The following HMGCLL1 variants were observed in gnomAD, a reference collection of about 807,000 sequenced individuals.
HMGCLL1 encodes the protein 3-hydroxy-3-methylglutaryl-CoA lyase like 1, also known as 3-hydroxymethyl-3-methylglutaryl-CoA lyase, cytoplasmic.
In HMGCLL1, 36 loss-of-function variants were observed where a neutral mutation model predicts 39.1. The ratio of observed to expected loss-of-function variants is 0.92; its 90% confidence interval spans 0.71 to 1.22. HMGCLL1 has a LOEUF of 1.22. Among genes scored for constraint, HMGCLL1 ranks in the 50% most tolerant of loss-of-function variants. HMGCLL1 has a pLI of 0.00. For missense variants in HMGCLL1, 451 were observed against 416.5 expected (o/e 1.08, Z -0.72); for synonymous variants, 149 against 144.0 (o/e 1.03, Z -0.25).
intron 1 of HMGCLL1, among the ~76,000 whole-genome samples, chr6:55,572,715 C>T (rs1771575153): frequency 6.6e-6 from 1 of 152,090 alleles, no homozygotes; most frequent in African/African-American, 2.4e-5. Flanking sequence ...ACAATTTAAA[C>T]TAAATTGCAC....
intron 7 of HMGCLL1, among the ~76,000 whole-genome samples, chr6:55,483,609 T>A (rs1017254436): frequency 6.6e-6 from 1 of 152,158 alleles, no homozygotes; most frequent in African/African-American, 2.4e-5. Flanking sequence ...ATGTCAGATT[T>A]AAAATGTAAT....
At chr6:55,448,083 G>A (rs934425319) in intron 7 of HMGCLL1, among the ~76,000 whole-genome samples, 9 of 152,126 alleles carry the variant, frequency 5.9e-5, no homozygotes, top group African/African-American at 2.2e-4. Flanking sequence ...ACTTCAGAAA[G>A]TAAATATTTG....
intron 3 of HMGCLL1, among the ~76,000 whole-genome samples, chr6:55,519,386 C>A (rs1357005383): frequency 6.6e-6 from 1 of 152,112 alleles, no homozygotes; most frequent in Non-Finnish European, 1.5e-5. Context: ...GAGCACTTTA[C>A]TCAAAATTGT....
chr6:55,673,047 C>G, the HMGCLL1 span, among the ~76,000 whole-genome samples: 1 of 151,924 alleles, frequency 6.6e-6, no homozygotes, highest in South Asian at 2.1e-4. Flanking sequence ...AAAGAAGTCC[C>G]TTAGCAGAGG....
chr6:55,590,533 A>G, the HMGCLL1 span, among the ~76,000 whole-genome samples: 1 of 152,246 alleles, frequency 6.6e-6, no homozygotes, highest in African/African-American at 2.4e-5. Context: ...ATGGCAACAA[A>G]AGCCAAAATT....
intron 1 of HMGCLL1, among the ~76,000 whole-genome samples, chr6:55,553,370 G>A (rs1416540428): frequency 2.6e-5 from 4 of 151,744 alleles, no homozygotes; most frequent in South Asian, 4.2e-4. Context: ...CCCAGGAGGC[G>A]GAGGTTGTGG....
the HMGCLL1 span, among the ~76,000 whole-genome samples, chr6:55,646,862 T>A: frequency 9.9e-5 from 15 of 152,006 alleles, no homozygotes; most frequent in Non-Finnish European, 2.2e-4. Context: ...GTATTCTACA[T>A]CTATTGGATG....
intron 3 of HMGCLL1, among the ~76,000 whole-genome samples, chr6:55,539,695 G>A (rs184380116): frequency 3.3e-5 from 5 of 151,252 alleles, no homozygotes; most frequent in Admixed American, 6.6e-5. Context: ...ACACTGGAGC[G>A]TATGGAAGAG....
intron 1 of HMGCLL1, among the ~76,000 whole-genome samples, chr6:55,549,342 G>A (rs546023594): frequency 5.3e-4 from 79 of 150,204 alleles, no homozygotes; most frequent in African/African-American, 1.8e-3. Context: ...TGAAAACTAC[G>A]AAAATTGTTT....
At chr6:55,451,012 T>A (rs1764056434) in intron 7 of HMGCLL1, among the ~76,000 whole-genome samples, 1 of 152,094 alleles carries the variant, frequency 6.6e-6, no homozygotes, top group African/African-American at 2.4e-5. Flanking sequence ...CATTTCTAGC[T>A]CCCTAACACT....
In HMGCLL1 at chr6:55,578,389, A is replaced by G. The variant is rs78677115; in HGVS notation, c.108+559T>C. Among the ~76,000 whole-genome samples the G allele has an allele frequency of 3.8e-3, 573 of 152,322 alleles. 7 individuals are homozygous for G. Among genetic ancestry groups the G allele is most frequent in the Non-Finnish European group, 3.5e-3 (238 of 68,026 alleles). The stretch of plus-strand genomic sequence containing the variant: ...GTCTTAACATGCCCTTTCAGGAACA[A>G]TGTGGGAATAAATTTTAGTCTGAAA... On this transcript the variant is annotated intron_variant, in intron 1 of 8. Transcript: ENST00000274901.
At chr6:55,463,091 C>A (rs1241251255) in intron 7 of HMGCLL1, among the ~76,000 whole-genome samples, 1 of 149,214 alleles carries the variant, frequency 6.7e-6, no homozygotes, top group Non-Finnish European at 1.5e-5. Context: ...AGTGCAGTAG[C>A]GCAATCTCGG....
At chr6:55,665,230 C>T in the HMGCLL1 span, among the ~76,000 whole-genome samples, 1 of 151,502 alleles carries the variant, frequency 6.6e-6, no homozygotes, top group Non-Finnish European at 1.5e-5. Context: ...CAGGGGCAAA[C>T]TTTTTGTTGT....
chr6:55,647,561 GT>G, the HMGCLL1 span, among the ~76,000 whole-genome samples: 51,151 of 150,528 alleles, frequency 0.34, 8,978 homozygotes, highest in African/African-American at 0.42. Context: ...TCAATTGTAT[GT>G]TTTTTTTATT....
chr6:55,598,770 G>A, the HMGCLL1 span, among the ~76,000 whole-genome samples: 4 of 152,126 alleles, frequency 2.6e-5, no homozygotes, highest in African/African-American at 7.2e-5. Context: ...GCATTCATGA[G>A]TAATAGACAC....
chr6:55,646,872 G>T, the HMGCLL1 span, among the ~76,000 whole-genome samples: 1 of 151,980 alleles, frequency 6.6e-6, no homozygotes, highest in Non-Finnish European at 1.5e-5. Context: ...TCTATTGGAT[G>T]AAATGTTCTG....
intron 7 of HMGCLL1, among the ~76,000 whole-genome samples, chr6:55,488,470 G>T (rs569348969): frequency 6.6e-5 from 10 of 152,098 alleles, no homozygotes; most frequent in African/African-American, 2.4e-4. Flanking sequence ...TAACCAGTTT[G>T]CCTAACAGCA....
At chr6:55,605,926 C>G in the HMGCLL1 span, among the ~76,000 whole-genome samples, 12 of 152,092 alleles carry the variant, frequency 7.9e-5, no homozygotes, top group African/African-American at 2.7e-4. Context: ...TTCCCTCCAG[C>G]AAAATAACAA....
At chr6:55,488,016 G>C (rs546378927) in intron 7 of HMGCLL1, among the ~76,000 whole-genome samples, 1 of 151,718 alleles carries the variant, frequency 6.6e-6, no homozygotes, top group African/African-American at 2.4e-5. Flanking sequence ...CTTTGAATTA[G>C]GTATATGCAT....
Sources: gnomAD v4.1 joint callset for allele counts (sites outside exome capture counted in the v4.1 genomes callset) on GRCh38, gnomAD v4.1.1 for gene constraint, MANE v1.5 for transcripts, NCBI Gene and HGNC (gene_info 2026-07-23, HGNC 2026-07-21) for gene names.